UCHL5: variants seen among roughly 807,000 people sequenced by gnomAD.
UCHL5 encodes the protein ubiquitin carboxyl-terminal hydrolase isozyme L5.
In UCHL5, 34 loss-of-function variants were observed where a neutral mutation model predicts 53.8. The observed-to-expected ratio is 0.63, with a 90% confidence interval of 0.48 to 0.84. The LOEUF (loss-of-function observed/expected upper bound fraction) is 0.84, where lower values mean the gene tolerates loss of function less well. Ranked by LOEUF, UCHL5 falls within the 40% of genes least tolerant of loss-of-function variation. The probability of loss-of-function intolerance (pLI) is 0.00; values close to 1 mark genes in which losing one functional copy is unlikely to be tolerated. For synonymous variants in UCHL5, 111 were observed against 126.3 expected (o/e 0.88, Z 0.81); for missense variants, 290 against 385.6 (o/e 0.75, Z 2.08).
chr1:193,054,347 C>G (rs1253035659), intron 1 of UCHL5, among the ~76,000 whole-genome samples: 5 of 152,126 alleles, frequency 3.3e-5, no homozygotes, highest in Admixed American at 1.3e-4. Flanking sequence ...TTGTCATTCC[C>G]CTAACCCTAC....
chr1:193,059,512 G>A, upstream of UCHL5: 1 of 1,588,588 alleles, frequency 6.3e-7, no homozygotes, highest in Non-Finnish European at 8.6e-7. This position sits in a 1 kb window ranked among gnomAD's most constrained non-coding sequence, Gnocchi z 4.9. Flanking sequence ...GGAAGGGCTG[G>A]GGCCTGAGAA....
intron 3 of UCHL5, among the ~76,000 whole-genome samples, chr1:193,037,166 T>C (rs1001672711): frequency 4.0e-5 from 6 of 150,974 alleles, no homozygotes; most frequent in African/African-American, 1.5e-4. Context: ...ATCAATGAAA[T>C]CGAGACTTAA....
At chr1:193,052,425 G>A (rs924732157) in intron 1 of UCHL5, among the ~76,000 whole-genome samples, 4 of 152,088 alleles carry the variant, frequency 2.6e-5, no homozygotes, top group Non-Finnish European at 5.9e-5. Context: ...TAGGGGAGAG[G>A]CTACTAGCAA....
At chr1:193,038,743 C>G (rs1264962354) in intron 3 of UCHL5, among the ~76,000 whole-genome samples, 1 of 152,198 alleles carries the variant, frequency 6.6e-6, no homozygotes, top group Admixed American at 6.5e-5. Context: ...CACCTGTAAT[C>G]TCAGCACTTT....
At chr1:193,024,665 A>T (rs1658473949) in intron 7 of UCHL5, among the ~76,000 whole-genome samples, 1 of 150,888 alleles carries the variant, frequency 6.6e-6, no homozygotes, top group African/African-American at 2.4e-5. Context: ...GATTTTCACT[A>T]CTCTGATATC....
At chr1:193,039,306 A>C (rs1664726734) in intron 3 of UCHL5, among the ~76,000 whole-genome samples, 1 of 152,144 alleles carries the variant, frequency 6.6e-6, no homozygotes, top group African/African-American at 2.4e-5. Flanking sequence ...GCTACTCAGG[A>C]GGCTGAGGCA....
Position 193,051,766 on chromosome 1 carries a change from A to G in UCHL5, c.128T>C (p.Phe43Ser). The change falls in exon 2 of 11, where the codon TTT becomes TCT. Residue 43 changes from phenylalanine to serine, a missense_variant. Coordinates refer to ENST00000367454, the MANE Select transcript of UCHL5 (RefSeq NM_001199261.3). ...EEIWSLEPEN[F>S]EKLKPVHGLI... ...AAATTATACTTACTTTAATTTTTCA[A>G]AATTCTCAGGCTCTAAACTCCATAT... 2 of 1,593,774 alleles carry G rather than the reference A, an allele frequency of 1.3e-6. No homozygotes were observed. Among genetic ancestry groups the G allele is most frequent in the Non-Finnish European group, 1.7e-6 (2 of 1,170,710 alleles).
chr1:193,058,305 G>A (rs959534675), intron 1 of UCHL5, among the ~76,000 whole-genome samples: 6 of 152,184 alleles, frequency 3.9e-5, no homozygotes, highest in African/African-American at 1.4e-4. Flanking sequence ...CTTGATAAAT[G>A]ACATTCCAAA....
At chr1:193,017,454 T>C (rs1571407729) in intron 10 of UCHL5, among the ~76,000 whole-genome samples, 1 of 151,704 alleles carries the variant, frequency 6.6e-6, no homozygotes, top group Non-Finnish European at 1.5e-5. Flanking sequence ...GTGTGTCATA[T>C]TAAAAATAAT....
In UCHL5 at chr1:193,029,187, A is replaced by G. The variant is rs910453913; in HGVS notation, c.557T>C (p.Ile186Thr). 4 of 1,612,216 alleles carry G rather than the reference A, an allele frequency of 2.5e-6. No homozygotes were observed. Among genetic ancestry groups the G allele is most frequent in the Non-Finnish European group, 3.4e-6 (4 of 1,179,420 alleles). The change falls in exon 6 of 11, where the codon ATT (isoleucine) becomes ACT (threonine). Residue 186 changes from isoleucine (I) to threonine (T), a missense_variant. By Grantham distance (89) the Ile-to-Thr change is moderately conservative (BLOSUM62 -1). Coordinates refer to ENST00000367454, the MANE Select transcript of UCHL5 (RefSeq NM_001199261.3). ...YELDGLREGP[I>T]DLGACNQDDW... ...AACAGGAACTGCATTACCTAAATCA[A>G]TCGGTCCTTCTCTTAATCCATCTAA...
At chr1:193,043,588 T>C (rs1034177166) in intron 3 of UCHL5, among the ~76,000 whole-genome samples, 1 of 152,182 alleles carries the variant, frequency 6.6e-6, no homozygotes, top group Non-Finnish European at 1.5e-5. Context: ...TAAGAGTCTT[T>C]GTTTACCTGA....
chr1:193,059,068 G>T lies in UCHL5; in HGVS notation c.76+117C>A. 1 of 1,078,148 alleles carries T rather than the reference G, an allele frequency of 9.3e-7. No homozygotes were observed. Among genetic ancestry groups the T allele is most frequent in the Non-Finnish European group, 1.3e-6 (1 of 767,966 alleles). 66.8% of individuals were successfully genotyped at this position (1,078,148 alleles called of 1,614,324 possible). ...CTACATTTCCCCCACCCGGACTCCA[G>T]GTTCCTGAAGTCACCTCTCCAGACG... On this transcript the variant is annotated intron_variant, in intron 1 of 10. Transcript: ENST00000367454. This position sits in a 1 kb window ranked among gnomAD's most constrained non-coding sequence, Gnocchi z 4.9.
chr1:193,035,539 T>C (rs1411764270), intron 3 of UCHL5, among the ~76,000 whole-genome samples: 1 of 151,914 alleles, frequency 6.6e-6, no homozygotes, highest in Non-Finnish European at 1.5e-5. Context: ...GTCTTTCCCA[T>C]ACAAAAGCTG....
At chr1:193,027,650 A>C (rs1320320296) in intron 7 of UCHL5, among the ~76,000 whole-genome samples, 4 of 152,176 alleles carry the variant, frequency 2.6e-5, no homozygotes, top group African/African-American at 9.7e-5. Context: ...GTGCCACTGC[A>C]CTCCAGCCTG....
At position 193,023,866 on chromosome 1, in the gene UCHL5, TCTG is replaced by T. The variant is rs1488048601; in HGVS notation, c.707_709del (p.Ala236del). 10 of 1,612,460 alleles carry T rather than the reference TCTG, an allele frequency of 6.2e-6. No homozygotes were observed. Among genetic ancestry groups the T allele is most frequent in the Non-Finnish European group, 8.5e-6 (10 of 1,179,558 alleles). ...AACCTCTGCAAGTTGTCTTTGTAAC[TCTG>T]CTATCTTCTGCTCATATATCATTTT... On this transcript the variant is annotated inframe_deletion, in exon 8 of 11. Coordinates refer to ENST00000367454, the MANE Select transcript of UCHL5 (RefSeq NM_001199261.3).
chr1:193,044,860 G>C (rs1165865266), intron 3 of UCHL5, among the ~76,000 whole-genome samples: 1 of 152,042 alleles, frequency 6.6e-6, no homozygotes, highest in Non-Finnish European at 1.5e-5. Flanking sequence ...TATTAATGGG[G>C]AATTATTGAC....
intron 3 of UCHL5, among the ~76,000 whole-genome samples, chr1:193,037,964 A>G (rs528936887): frequency 6.6e-6 from 1 of 151,930 alleles, no homozygotes; most frequent in East Asian, 1.9e-4. Flanking sequence ...ATGGTTCAAT[A>G]TGTGCTAATC....
chr1:193,032,354 T>C (rs990706295), intron 3 of UCHL5, among the ~76,000 whole-genome samples: 2 of 152,138 alleles, frequency 1.3e-5, no homozygotes, highest in Non-Finnish European at 2.9e-5. Context: ...ACCCCTTCCT[T>C]ACACCATATA....
chr1:193,019,834 T>C (rs1464660813), intron 10 of UCHL5: 1 of 945,472 alleles, frequency 1.1e-6, no homozygotes, highest in East Asian at 1.2e-4. Flanking sequence ...GCAAAATTTA[T>C]ACATTTAATA....
Sources: gnomAD v4.1 joint callset for allele counts (sites outside exome capture counted in the v4.1 genomes callset) on GRCh38, gnomAD v4.1.1 for gene constraint, Gnocchi (gnomAD v3.1) non-coding constraint, MANE v1.5 for transcripts, NCBI Gene and HGNC (gene_info 2026-07-23, HGNC 2026-07-21) for gene names.